The following HKDC1 variants were observed in gnomAD, a reference collection of about 807,000 sequenced individuals.
HKDC1 encodes hexokinase domain containing 1.
HKDC1 carries 66 observed loss-of-function variants against 96.6 expected under a neutral mutation model. That is an observed-to-expected ratio of 0.68 (90% CI 0.56 to 0.84). The LOEUF is 0.84. Ranked by LOEUF, HKDC1 falls within the 40% of genes least tolerant of loss-of-function variation. The pLI is 0.00. For synonymous variants in HKDC1, 466 were observed against 473.1 expected (o/e 0.98, Z 0.20); for missense variants, 1,211 against 1,208.1 (o/e 1.00, Z -0.04).
chr10:69,231,594 A>G (rs189449613), intron 2 of HKDC1, among the ~76,000 whole-genome samples: 241 of 152,246 alleles, frequency 1.6e-3, no homozygotes, highest in African/African-American at 5.2e-3. Flanking sequence ...TTTGACCTGG[A>G]TATCTCTCCC....
chr10:69,255,444 G>T (rs1034262878), intron 12 of HKDC1, among the ~76,000 whole-genome samples: 2 of 152,240 alleles, frequency 1.3e-5, no homozygotes, highest in African/African-American at 2.4e-5. Context: ...CCACGGGGCT[G>T]ACGGCACTGC....
intron 4 of HKDC1, among the ~76,000 whole-genome samples, chr10:69,238,252 T>C (rs1302283353): frequency 1.3e-5 from 2 of 152,226 alleles, no homozygotes; most frequent in Middle Eastern, 3.2e-3. Flanking sequence ...TTGGGAATCA[T>C]TTTTCTAAGT....
intron 4 of HKDC1, among the ~76,000 whole-genome samples, chr10:69,236,649 A>G (rs911309270): frequency 2.0e-5 from 3 of 151,704 alleles, no homozygotes; most frequent in Non-Finnish European, 2.9e-5. Context: ...GCGTGGTGGC[A>G]CATGCCTGTA....
At chr10:69,259,768 G>A (rs1287516247) in intron 15 of HKDC1, among the ~76,000 whole-genome samples, 8 of 152,118 alleles carry the variant, frequency 5.3e-5, no homozygotes, top group Admixed American at 5.2e-4. Context: ...AGTGAAGGGG[G>A]AGGCGTTACA....
intron 12 of HKDC1, among the ~76,000 whole-genome samples, chr10:69,252,637 C>A (rs1843660919): frequency 7.7e-6 from 1 of 130,004 alleles, no homozygotes; most frequent in Non-Finnish European, 1.6e-5. Context: ...GAGCGAGACT[C>A]TGTCTCAAAA....
intron 1 of HKDC1, 66 bp from the exon 2 acceptor site, chr10:69,227,141 G>T: frequency 1.3e-6 from 2 of 1,568,318 alleles, no homozygotes; most frequent in Non-Finnish European, 1.8e-6. Context: ...GATGTCGGGG[G>T]TTACAGCCTC....
In HKDC1 at chr10:69,257,125, G is replaced by A; in HGVS notation, c.1926G>A (p.Arg642=). 1 of 1,613,794 alleles carries A rather than the reference G, an allele frequency of 6.2e-7. No individual in the cohort carries two copies. ...ACATGCTCAGGGAAGCCATCAAGAG[G>A]AGAAACGTAGGATGTGGTGTTGAGG... is the stretch of plus-strand genomic sequence containing the variant. ...VVDMLREAIK[R]RNEFDLDIVA... is the part of the protein sequence containing the mutation. The change falls in exon 13 of 18, where the codon AGG becomes AGA. Residue 642 remains arginine, a synonymous_variant. Coordinates refer to ENST00000354624, the MANE Select transcript of HKDC1 (RefSeq NM_025130.4).
chr10:69,249,646 G>C (rs955143177), intron 10 of HKDC1, among the ~76,000 whole-genome samples: 6 of 152,060 alleles, frequency 3.9e-5, no homozygotes, highest in African/African-American at 9.7e-5. Flanking sequence ...CAGGCGCCCA[G>C]CACCACACCC....
In HKDC1 at chr10:69,259,029, C is replaced by T. The variant is rs1843766009; in HGVS notation, c.2216+70C>T. On this transcript the variant is annotated intron_variant, in intron 15 of 17. Transcript: ENST00000354624. ...CAACACTACCAGACCTAAGGGGGTACCATAGACAGCATAGCTTTGTGTGCT... is the reference window on the plus strand; with the variant it reads ...CAACACTACCAGACCTAAGGGGGTATCATAGACAGCATAGCTTTGTGTGCT... The T allele has an allele frequency of 8.2e-6, 10 of 1,213,520 alleles. No homozygotes were observed. The East Asian group carries it at 2.5e-4, about 31-fold the overall frequency. The allele number at this position is 1,213,520 out of a possible 1,614,324, so 75.2% of individuals were successfully genotyped here. A position where few individuals can be genotyped will look rare whatever the true frequency, so the allele number is the denominator to read the frequency against.
intron 1 of HKDC1, 143 bp downstream of exon 1, chr10:69,220,641 G>C: frequency 1.8e-6 from 1 of 544,480 alleles, no homozygotes. Flanking sequence ...AAGACTCACT[G>C]AGGGAAGAGG....
At chr10:69,258,657 TG>T in intron 14 of HKDC1, 118 bp from the exon 15 acceptor site, 1 of 998,866 alleles carries the variant, frequency 1.0e-6, no homozygotes, top group Non-Finnish European at 1.6e-6. Flanking sequence ...ACTGTAAAGC[TG>T]GAATCGCATC....
intron 16 of HKDC1, among the ~76,000 whole-genome samples, chr10:69,265,097 G>A (rs1231109696): frequency 6.6e-6 from 1 of 152,214 alleles, no homozygotes; most frequent in Non-Finnish European, 1.5e-5. Flanking sequence ...GGAAGAAAGT[G>A]CAGAGAATCA....
rs376726432 is a variant in HKDC1, at chr10:69,248,717, C to T, written c.1559C>T (p.Pro520Leu). Residue 520 changes from proline to leucine, a missense_variant, in exon 10 of 18, where the codon CCG (proline) becomes CTG (leucine). Physicochemically the swap from Pro to Leu is moderately conservative, Grantham distance 98. Coordinates refer to ENST00000354624, the MANE Select transcript of HKDC1 (RefSeq NM_025130.4). ...CTGCCCACCTACGTCTGCGGGCTGC[C>T]GGACGGCACAGGTGGGCCAGCACAG... The part of the protein sequence containing the change: ...RMLPTYVCGL[P>L]DGTEKGKFLA... 68 of 1,606,032 alleles carry T rather than the reference C, an allele frequency of 4.2e-5. No individual in the cohort carries two copies. Among genetic ancestry groups the T allele is most frequent in the Admixed American group, 1.8e-4 (11 of 59,670 alleles).
Position 69,246,175 on chromosome 10 carries a change from ATCT to A in HKDC1, c.976_978del (p.Ser326del), listed in dbSNP as rs765961417. 2.5e-6 allele frequency: 4 copies of A among 1,614,096 alleles called. No homozygotes were observed. The highest frequency in any genetic ancestry group is 2.7e-5 in the African/African-American group (2 of 74,936). On this transcript the variant is annotated inframe_deletion, in exon 8 of 18. Coordinates refer to ENST00000354624, the MANE Select transcript of HKDC1 (RefSeq NM_025130.4). The stretch of plus-strand genomic sequence containing the variant: ...CTGGCCTCCTGTTTGGTGGTGAGAA[ATCT>A]TCTGCTCTCCACACTAAGGGCAAGA...
At chr10:69,232,257 T>C (rs557470560) in intron 2 of HKDC1, 1 of 161,650 alleles carries the variant, frequency 6.2e-6, no homozygotes, top group South Asian at 1.7e-4. Context: ...TCAAGGGCCA[T>C]TGTTTAGTCC....
chr10:69,261,255 G>A lies in HKDC1; in HGVS notation c.2333G>A (p.Arg778Lys), dbSNP rs1407536648. The change falls in exon 16 of 18, where the codon AGG becomes AAG. Residue 778 changes from arginine to lysine, a missense_variant. Transcript: ENST00000354624. ...RGQISERLRT[R>K]GIFETKFLSQ... ...CAGATTTCAGAGCGTCTCCGGACCA[G>A]GGGCATCTTCGAAACCAAGTTCCTG... is the stretch of plus-strand genomic sequence containing the variant. 8.1e-6 allele frequency: 13 copies of A among 1,614,044 alleles called. No homozygotes were observed. In the Admixed American group the frequency reaches 2.2e-4, roughly 27 times the overall value.
intron 5 of HKDC1, among the ~76,000 whole-genome samples, chr10:69,239,879 T>C (rs1843428317): frequency 6.6e-6 from 1 of 151,278 alleles, no homozygotes; most frequent in African/African-American, 2.4e-5. Context: ...CTCAGCCTCC[T>C]GCATAGCTGG....
At chr10:69,253,877 C>G (rs72814244) in intron 12 of HKDC1, among the ~76,000 whole-genome samples, 4,012 of 152,304 alleles carry the variant, frequency 0.026, 77 homozygotes, top group Non-Finnish European at 0.044. Flanking sequence ...CTGACAGACT[C>G]TCATCAGCCA....
Position 69,225,570 on chromosome 10 carries a change from C to T in HKDC1, c.64-1637C>T, listed in dbSNP as rs112828526. ...AGTCCCCGGAGCCATGGTACCATTT[C>T]AGTGTCTTGGGTCTGTTCGTTGTCA... On this transcript the variant is annotated intron_variant, in intron 1 of 17. Coordinates refer to ENST00000354624, the MANE Select transcript of HKDC1 (RefSeq NM_025130.4). Among the ~76,000 whole-genome samples, 7 of 152,308 alleles carry T rather than the reference C, an allele frequency of 4.6e-5. 1 individual carries two copies. The highest frequency in any genetic ancestry group is 1.7e-4 in the African/African-American group (7 of 41,566).
Sources: gnomAD v4.1 joint callset for allele counts (sites outside exome capture counted in the v4.1 genomes callset) on GRCh38, gnomAD v4.1.1 for gene constraint, MANE v1.5 for transcripts, NCBI Gene and HGNC (gene_info 2026-07-23, HGNC 2026-07-21) for gene names.